The following SP140 variants were observed in gnomAD, a reference collection of about 807,000 sequenced individuals.
SP140 encodes nuclear body protein SP140.
SP140 carries 81 observed loss-of-function variants against 125.0 expected under a neutral mutation model. The observed-to-expected ratio is 0.65, with a 90% CI of 0.54 to 0.78. SP140 has a LOEUF of 0.78. Ranked by LOEUF, SP140 falls within the 30% of genes least tolerant of loss-of-function variation. SP140 has a pLI of 0.00. For synonymous variants in SP140, 312 were observed against 354.0 expected (o/e 0.88, Z 1.33); for missense variants, 858 against 1,037.0 (o/e 0.83, Z 2.37).
chr2:230,287,134 C>T (rs1014051163), intron 17 of SP140, among the ~76,000 whole-genome samples: 1 of 152,174 alleles, frequency 6.6e-6, no homozygotes, highest in African/African-American at 2.4e-5. Context: ...TCTGCCATGT[C>T]AATCCTTAAT....
At chr2:230,189,839 C>T in the SP140 span, among the ~76,000 whole-genome samples, 1 of 152,158 alleles carries the variant, frequency 6.6e-6, no homozygotes, top group Admixed American at 6.6e-5. Context: ...TGATGGGTTC[C>T]AGCTTCATCC....
chr2:230,215,081 G>T, intron 3 of SP140: 2 of 1,613,856 alleles, frequency 1.2e-6, no homozygotes, highest in Non-Finnish European at 1.7e-6. Flanking sequence ...CACCACTCTG[G>T]ATACAGGGAT....
At chr2:230,203,045 C>A, upstream of SP140, 1 of 399,514 alleles carries the variant, frequency 2.5e-6, no homozygotes, top group Non-Finnish European at 4.7e-6. Flanking sequence ...GAGGTGGCCA[C>A]ACAGTCTCGT....
upstream of SP140, chr2:230,201,038 C>T (rs2043133892): frequency 1.7e-6 from 2 of 1,144,696 alleles, no homozygotes; most frequent in Non-Finnish European, 2.7e-6. Flanking sequence ...CCCAGGAAGG[C>T]CCTTGCACAC....
intron 10 of SP140, among the ~76,000 whole-genome samples, chr2:230,252,759 G>T (rs543276798): frequency 1.3e-5 from 2 of 152,156 alleles, no homozygotes; most frequent in Non-Finnish European, 2.9e-5. Context: ...AGTAGAAAAG[G>T]AAGAGTGGGC....
intron 15 of SP140, among the ~76,000 whole-genome samples, chr2:230,279,582 G>A (rs975921884): frequency 3.9e-5 from 6 of 152,092 alleles, no homozygotes; most frequent in African/African-American, 7.2e-5. Flanking sequence ...GATGTTCCAC[G>A]CATCCACTTT....
intron 12 of SP140, among the ~76,000 whole-genome samples, chr2:230,262,563 A>G (rs55801034): frequency 0.16 from 24,601 of 151,868 alleles, 2,494 homozygotes; most frequent in South Asian, 0.25. Flanking sequence ...GTGCTCTTTC[A>G]GTCTTTCTGA....
chr2:230,307,990 T>TACAC (rs139416979), intron 22 of SP140, among the ~76,000 whole-genome samples: 62 of 52,632 alleles, frequency 1.2e-3, no homozygotes, highest in Non-Finnish European at 1.4e-3. Context: ...TATATATATA[T>TACAC]ACACACACAC....
In SP140 at chr2:230,312,834, C is replaced by A; in HGVS notation, c.*150C>A. 1.7e-6 allele frequency: 1 copy of A among 594,354 alleles called. No homozygotes were observed. Among genetic ancestry groups the A allele is most frequent in the East Asian group, 3.3e-5 (1 of 30,272 alleles). The allele number at this position is 594,354 out of a possible 1,614,324, so 36.8% of individuals were successfully genotyped here. A position where few individuals can be genotyped will look rare whatever the true frequency, so the allele number is the denominator to read the frequency against. ...CTCCTTCATCTGCCCAAAGACAAAT[C>A]CTCAAAAGGAAATTCAATCATCATG... On this transcript the variant is annotated 3_prime_UTR_variant, in exon 27 of 27. Coordinates refer to ENST00000392045, the MANE Select transcript of SP140 (RefSeq NM_007237.5).
downstream of SP140, among the ~76,000 whole-genome samples, chr2:230,315,553 C>A (rs113414406): frequency 0.029 from 4,434 of 152,194 alleles, 210 homozygotes; most frequent in African/African-American, 0.1. Context: ...GATATACATT[C>A]ATGCATACAT....
intron 15 of SP140, among the ~76,000 whole-genome samples, chr2:230,281,154 A>AT (rs1170607937): frequency 6.6e-6 from 1 of 152,180 alleles, no homozygotes; most frequent in Non-Finnish European, 1.5e-5. Context: ...CCCAAAATTT[A>AT]ATCACGAAAA....
chr2:230,270,677 C>T (rs780928034), intron 15 of SP140, 38 bp downstream of exon 15: 1 of 1,532,248 alleles, frequency 6.5e-7, no homozygotes, highest in Non-Finnish European at 9.0e-7. Context: ...TTTGGTATTA[C>T]AAATACGTTT....
Position 230,312,633 on chromosome 2 carries a change from G to T in SP140, c.2553G>T (p.Glu851Asp). 1 of 1,613,136 alleles carries T rather than the reference G, an allele frequency of 6.2e-7. No homozygotes were observed. The highest frequency in any genetic ancestry group is 8.5e-7 in the Non-Finnish European group (1 of 1,179,346). ...QMGFRLEAEF[E>D]KNFKEVFAIQ... ...GATTTAGACTGGAGGCTGAGTTTGA[G>T]AAGAATTTCAAGGAAGTGTTTGCTA... The change falls in exon 27 of 27, where the codon GAG (glutamate) becomes GAT (aspartate). Residue 851 changes from glutamate to aspartate, a missense_variant. Physicochemically the swap from Glu to Asp is conservative, Grantham distance 45 (BLOSUM62 2). Around this residue, in one of 4 missense-constraint regions of SP140, gnomAD observed 43 missense variants for 35.1 expected, o/e 1.23. Coordinates refer to ENST00000392045, the MANE Select transcript of SP140 (RefSeq NM_007237.5).
chr2:230,221,980 C>T (rs1559191675), upstream of SP140, among the ~76,000 whole-genome samples: 1 of 152,218 alleles, frequency 6.6e-6, no homozygotes, highest in African/African-American at 2.4e-5. Context: ...GCTTAGCTAG[C>T]ACTTTGGGAG....
intron 15 of SP140, 135 bp downstream of exon 15, chr2:230,270,774 G>A: frequency 1.2e-6 from 1 of 817,778 alleles, no homozygotes; most frequent in Non-Finnish European, 2.1e-6. Context: ...ACCTCCCTAA[G>A]ATGTCTACCT....
intron 3 of SP140, chr2:230,238,893 G>C (rs2048339873): frequency 6.4e-7 from 1 of 1,550,870 alleles, no homozygotes; most frequent in Admixed American, 2.0e-5. Context: ...AGACAGAAAA[G>C]GGGGTTGGTG....
intron 1 of SP140, chr2:230,212,804 G>A (rs748885476): frequency 1.9e-6 from 3 of 1,614,166 alleles, no homozygotes; most frequent in South Asian, 1.1e-5. Context: ...GGAGAGGCAG[G>A]ACAGGGTCAG....
At chr2:230,257,108 G>A (rs2051344157) in intron 12 of SP140, among the ~76,000 whole-genome samples, 1 of 152,040 alleles carries the variant, frequency 6.6e-6, no homozygotes, top group Non-Finnish European at 1.5e-5. Context: ...GGGTTGGGGT[G>A]GGGTCTCATA....
At chr2:230,245,413 T>C (rs2049290681) in intron 6 of SP140, among the ~76,000 whole-genome samples, 1 of 152,216 alleles carries the variant, frequency 6.6e-6, no homozygotes, top group South Asian at 2.1e-4. Context: ...GAGAGAATTT[T>C]AAACTTACTT....
Sources: allele counts gnomAD v4.1 joint callset (sites outside exome capture counted in the v4.1 genomes callset), GRCh38; gene constraint gnomAD v4.1.1; regional missense constraint gnomAD v4.1.1; transcripts MANE v1.5; gene names NCBI Gene and HGNC (gene_info 2026-07-23, HGNC 2026-07-21).